Variants in ATL1 observed in about 807,000 individuals in gnomAD.
ATL1 encodes atlastin GTPase 1, also known as atlastin-1.
A neutral mutation model predicts 75.5 loss-of-function variants in ATL1; 31 were observed. The observed-to-expected ratio is 0.41, with a 90% CI of 0.31 to 0.55. The LOEUF is 0.55. ATL1 is among the 20% of genes least tolerant of loss of function. The pLI, the probability that ATL1 is intolerant of heterozygous loss-of-function variation, is 0.27. For synonymous variants in ATL1, 226 were observed against 233.3 expected, an observed-to-expected ratio of 0.97 and a Z score of 0.28; for missense variants, 405 against 662.6, an observed-to-expected ratio of 0.61 and a Z score of 4.27.
intron 5 of ATL1, 150 bp downstream of exon 5, chr14:50,594,046 G>T (rs2039189068): frequency 1.1e-5 from 7 of 657,032 alleles, no homozygotes; most frequent in South Asian, 9.7e-5. Flanking sequence ...GGTAATTACT[G>T]CCTGAGACTG....
chr14:50,572,109 T>G, intron 1 of ATL1: 1 of 478,376 alleles, frequency 2.1e-6, no homozygotes, highest in Non-Finnish European at 4.0e-6. Flanking sequence ...GTCCATAAAT[T>G]TTTTTAAATC....
chr14:50,588,213 G>T, intron 2 of ATL1, 135 bp downstream of exon 2: 1 of 1,166,350 alleles, frequency 8.6e-7, no homozygotes, highest in Non-Finnish European at 1.2e-6. Context: ...AAATGCTGTG[G>T]TGTAACCATT....
rs563946427 is a variant in ATL1, at chr14:50,594,716, C to T, written c.573+820C>T. On this transcript the variant is annotated intron_variant, in intron 5 of 13. Transcript: ENST00000358385. ...AATTCATTTCAAGATTCTCCAGGGC[C>T]GGGTGCAGTGGCTTACGCCTGTAAT... Among the ~76,000 whole-genome samples the T allele has an allele frequency of 1.2e-4, 19 of 152,234 alleles. No individual in the cohort carries two copies. The South Asian group carries it at 1.9e-3, about 15-fold the overall frequency.
upstream of ATL1, among the ~76,000 whole-genome samples, chr14:50,556,583 T>C (rs967494005): frequency 6.6e-5 from 10 of 152,136 alleles, no homozygotes; most frequent in African/African-American, 2.4e-4. Context: ...TTCTAAAACA[T>C]TTTCATTGCC....
rs547116159 is a variant in ATL1 at position 50,612,268 on chromosome 14, G to A, written c.631-991G>A. Among the ~76,000 whole-genome samples, 5 of 152,174 alleles carry A rather than the reference G, an allele frequency of 3.3e-5. No individual in the cohort carries two copies. In the East Asian group the frequency reaches 9.6e-4, roughly 29 times the overall value. The stretch of plus-strand genomic sequence containing the variant: ...CTTGAGCAAGGGGTCATGACTGGAG[G>A]GTGGCAGGAGGAGGGGCTTATGGAG... On this transcript the variant is annotated intron_variant, in intron 6 of 13. Coordinates refer to ENST00000358385, the MANE Select transcript of ATL1 (RefSeq NM_015915.5).
intron 12 of ATL1, 158 bp downstream of exon 12, chr14:50,628,620 T>G (rs74414971): frequency 1.5e-5 from 11 of 755,746 alleles, no homozygotes; most frequent in Non-Finnish European, 2.4e-5. Context: ...ACTAACTATA[T>G]AATACTGTGT....
intron 6 of ATL1, among the ~76,000 whole-genome samples, chr14:50,608,340 C>T (rs972266552): frequency 3.3e-5 from 5 of 152,010 alleles, no homozygotes; most frequent in African/African-American, 9.7e-5. Flanking sequence ...AGGAATTGCT[C>T]ATCCCCATTC....
intron 6 of ATL1, among the ~76,000 whole-genome samples, chr14:50,603,881 T>C (rs2039293364): frequency 2.0e-5 from 3 of 152,110 alleles, no homozygotes; most frequent in African/African-American, 7.2e-5. Context: ...GCAATTTAGG[T>C]GATCTGAGAG....
At chr14:50,602,081 A>C (rs76141908) in intron 6 of ATL1, among the ~76,000 whole-genome samples, 7,494 of 152,196 alleles carry the variant, frequency 0.049, 193 homozygotes, top group African/African-American at 0.066. Flanking sequence ...CCTACGACTA[A>C]TTCTGGATAT....
At chr14:50,561,092 G>A (rs1389415864) in intron 1 of ATL1, 3 of 152,504 alleles carry the variant, frequency 2.0e-5, no homozygotes. Context: ...GGAGGGGAAA[G>A]GAGAGGCGAG....
chr14:50,620,500 C>G, intron 8 of ATL1, 99 bp from the exon 9 acceptor site: 1 of 1,290,486 alleles, frequency 7.7e-7, no homozygotes, highest in Admixed American at 1.9e-5. Context: ...GGCATTATCA[C>G]TGGGGAGGAA....
chr14:50,583,062 T>C (rs558141465), intron 1 of ATL1, among the ~76,000 whole-genome samples: 1 of 152,324 alleles, frequency 6.6e-6, no homozygotes, highest in African/African-American at 2.4e-5. Flanking sequence ...CTTCATCTGA[T>C]ATGATAAAAT....
chr14:50,617,260 A>G (rs1421360699), intron 8 of ATL1, among the ~76,000 whole-genome samples: 4 of 152,236 alleles, frequency 2.6e-5, no homozygotes, highest in Non-Finnish European at 5.9e-5. Context: ...AAAAAGATTA[A>G]AGGTACTGAA....
intron 1 of ATL1, among the ~76,000 whole-genome samples, chr14:50,551,853 G>A (rs1255269731): frequency 6.6e-6 from 1 of 152,014 alleles, no homozygotes; most frequent in Non-Finnish European, 1.5e-5. Context: ...TCATAGATGG[G>A]ACATACCTCA....
intron 1 of ATL1, chr14:50,572,005 C>T: frequency 3.9e-6 from 2 of 508,102 alleles, no homozygotes; most frequent in South Asian, 1.7e-5. Context: ...GCCATCTCCA[C>T]ACATTTATCT....
intron 6 of ATL1, among the ~76,000 whole-genome samples, chr14:50,608,463 A>G (rs139978084): frequency 1.0e-4 from 13 of 124,820 alleles, no homozygotes; most frequent in African/African-American, 3.2e-4. Flanking sequence ...GGCAAATGCT[A>G]CAAATCAAGG....
intron 6 of ATL1, among the ~76,000 whole-genome samples, chr14:50,607,945 C>G (rs2039330367): frequency 6.6e-6 from 1 of 152,012 alleles, no homozygotes; most frequent in African/African-American, 2.4e-5. Context: ...TTCACTGTTA[C>G]CAAGTCATGC....
rs76186967 is a variant in ATL1, at chr14:50,541,404, A to G, written c.-140+8037A>G. On this transcript the variant is annotated intron_variant, in intron 1 of 13. Coordinates refer to the ATL1 transcript ENST00000441560. ...GATAAACCCAGTTCAGGAACCTGAC[A>G]CATTAGTGACATTTCTAACAAGGAA... Among the ~76,000 whole-genome samples, 697 of 152,350 alleles carry G rather than the reference A, an allele frequency of 4.6e-3. 8 individuals are homozygous for G. The highest frequency in any genetic ancestry group is 0.016 in the African/African-American group (666 of 41,570).
intron 1 of ATL1, among the ~76,000 whole-genome samples, chr14:50,583,545 A>G (rs1417418842): frequency 2.0e-5 from 3 of 152,234 alleles, no homozygotes; most frequent in Non-Finnish European, 2.9e-5. Context: ...AATTATAAAA[A>G]CATTACCAAA....
Sources: gnomAD v4.1 joint callset for allele counts (sites outside exome capture counted in the v4.1 genomes callset) on GRCh38, gnomAD v4.1.1 for gene constraint, MANE v1.5 for transcripts, NCBI Gene and HGNC (gene_info 2026-07-23, HGNC 2026-07-21) for gene names.